Variants in MAN1A2 observed in about 807,000 individuals in gnomAD.
The protein encoded by MAN1A2 is mannosyl-oligosaccharide 1,2-alpha-mannosidase IB.
MAN1A2 carries 26 observed loss-of-function variants against 75.7 expected under a neutral mutation model. The observed-to-expected ratio is 0.34, with a 90% CI of 0.25 to 0.48. The LOEUF (loss-of-function observed/expected upper bound fraction) is 0.48, where lower values mean the gene tolerates loss of function less well. MAN1A2 is among the 20% of genes least tolerant of loss of function. The probability of loss-of-function intolerance (pLI) is 0.99; values close to 1 mark genes in which losing one functional copy is unlikely to be tolerated. For synonymous variants in MAN1A2, 247 were observed against 264.6 expected (o/e 0.93, Z 0.65); for missense variants, 562 against 775.5 (o/e 0.72, Z 3.27).
chr1:117,417,534 A>AGTATATATATATATATATATATAT (rs1648033932), intron 4 of MAN1A2, among the ~76,000 whole-genome samples: 1 of 89,216 alleles, frequency 1.1e-5, no homozygotes, highest in African/African-American at 4.5e-5. Flanking sequence ...CTTGAGTTTA[A>AGTATATATATATATATATATATAT]ATATATATAT....
intron 1 of MAN1A2, among the ~76,000 whole-genome samples, chr1:117,378,494 C>T (rs776667432): frequency 6.6e-6 from 1 of 151,962 alleles, no homozygotes; most frequent in African/African-American, 2.4e-5. Flanking sequence ...TGTGTATTTC[C>T]CTGTTGATAG....
intron 5 of MAN1A2, among the ~76,000 whole-genome samples, chr1:117,422,363 T>C (rs1047512750): frequency 6.6e-6 from 1 of 152,112 alleles, no homozygotes; most frequent in African/African-American, 2.4e-5. Context: ...ATGCATTTTA[T>C]ATATTTATCA....
intron 5 of MAN1A2, among the ~76,000 whole-genome samples, chr1:117,423,557 G>A (rs898864175): frequency 6.6e-6 from 1 of 151,846 alleles, no homozygotes; most frequent in Admixed American, 6.6e-5. Flanking sequence ...TACAGATCTT[G>A]TATGTATTTT....
At chr1:117,371,173 C>T (rs925803796) in intron 1 of MAN1A2, among the ~76,000 whole-genome samples, 1 of 151,992 alleles carries the variant, frequency 6.6e-6, no homozygotes, top group Non-Finnish European at 1.5e-5. Context: ...TATTTTTATT[C>T]GGAATCTACT....
intron 8 of MAN1A2, among the ~76,000 whole-genome samples, chr1:117,476,909 C>T (rs1650330888): frequency 6.6e-6 from 1 of 151,972 alleles, no homozygotes; most frequent in Admixed American, 6.6e-5. Flanking sequence ...TCAATGGTAG[C>T]TTGTTGGGGA....
At position 117,392,165 on chromosome 1, in the gene MAN1A2, T is replaced by TC. The variant is rs1450168973; in HGVS notation, c.303-10020dup. Among the ~76,000 whole-genome samples the TC allele has an allele frequency of 3.9e-5, 6 of 152,218 alleles. No individual in the cohort carries two copies. The East Asian group carries it at 9.7e-4, about 25-fold the overall frequency. Reference sequence around the variant, plus strand: ...AATCATGCCATTTTCAAGTTGAAGTTCTTTAGTGCCTTGCATTTTTCCCCA... The same window carrying TC: ...AATCATGCCATTTTCAAGTTGAAGTTCCTTTAGTGCCTTGCATTTTTCCCCA... On this transcript the variant is annotated intron_variant, in intron 1 of 12. Transcript: ENST00000356554.
At chr1:117,517,133 A>G (rs1651735818) in intron 12 of MAN1A2, among the ~76,000 whole-genome samples, 3 of 152,158 alleles carry the variant, frequency 2.0e-5, no homozygotes. Context: ...GGACCTATGT[A>G]GCAAATAATG....
chr1:117,423,560 T>C (rs1281174121), intron 5 of MAN1A2, among the ~76,000 whole-genome samples: 1 of 152,186 alleles, frequency 6.6e-6, no homozygotes, highest in Non-Finnish European at 1.5e-5. Context: ...AGATCTTGTA[T>C]GTATTTTGAT....
chr1:117,490,334 T>C (rs1650841226), intron 8 of MAN1A2, among the ~76,000 whole-genome samples: 1 of 152,072 alleles, frequency 6.6e-6, no homozygotes, highest in Admixed American at 6.6e-5. Context: ...ATATTTCAAA[T>C]TTTTTCCTTA....
At chr1:117,398,461 C>T (rs1199480351) in intron 1 of MAN1A2, among the ~76,000 whole-genome samples, 1 of 151,942 alleles carries the variant, frequency 6.6e-6, no homozygotes, top group African/African-American at 2.4e-5. Context: ...ATTGCCTGAG[C>T]TCAGGAGTTC....
Position 117,526,880 on chromosome 1 carries a change from C to CTCTCTCTCTCTCTATATATA in MAN1A2, c.*3924_*3925insCTCTCTCTCTCTATATATAT. 20 of 54,512 alleles carry CTCTCTCTCTCTCTATATATA rather than the reference C, an allele frequency of 3.7e-4. No homozygotes were observed. Among genetic ancestry groups the CTCTCTCTCTCTCTATATATA allele is most frequent in the African/African-American group, 6.5e-4 (8 of 12,286 alleles). 3.4% of individuals were successfully genotyped at this position (54,512 alleles called of 1,614,324 possible). On this transcript the variant is annotated 3_prime_UTR_variant, in exon 13 of 13. Coordinates refer to ENST00000356554, the MANE Select transcript of MAN1A2 (RefSeq NM_006699.5). Reference sequence around the variant, plus strand: ...TCTCTCTCTCTCTCTCTCTCTCTCTCTATATATATATATATATATATATAT... The same window carrying CTCTCTCTCTCTCTATATATA: ...TCTCTCTCTCTCTCTCTCTCTCTCTCTCTCTCTCTCTCTATATATATATATATATATATATATATATATAT...
intron 5 of MAN1A2, among the ~76,000 whole-genome samples, chr1:117,425,870 G>T (rs1648351927): frequency 6.6e-6 from 1 of 152,110 alleles, no homozygotes; most frequent in Non-Finnish European, 1.5e-5. Context: ...AAAAATAAAA[G>T]AAATGCCTTT....
intron 12 of MAN1A2, among the ~76,000 whole-genome samples, chr1:117,506,378 G>A (rs1651370465): frequency 6.6e-6 from 1 of 151,526 alleles, no homozygotes; most frequent in African/African-American, 2.4e-5. Flanking sequence ...TGTGTCATAG[G>A]TGCTATACCA....
At chr1:117,466,291 CACTT>C (rs1570766725) in intron 7 of MAN1A2, 39 bp from the exon 8 acceptor site, 1 of 1,280,892 alleles carries the variant, frequency 7.8e-7, no homozygotes. Flanking sequence ...GCCTTGATGA[CACTT>C]ATTTTTATTA....
At chr1:117,511,766 T>C (rs1651544363) in intron 12 of MAN1A2, among the ~76,000 whole-genome samples, 1 of 152,114 alleles carries the variant, frequency 6.6e-6, no homozygotes. Flanking sequence ...CCTTACTCCC[T>C]CTTACTTTTC....
chr1:117,434,842 T>C (rs1445681597), intron 5 of MAN1A2, among the ~76,000 whole-genome samples: 1 of 150,774 alleles, frequency 6.6e-6, no homozygotes, highest in Non-Finnish European at 1.5e-5. Context: ...CAAGAAATAA[T>C]GGCACCTTGG....
At chr1:117,418,284 C>T (rs1255012433) in intron 4 of MAN1A2, among the ~76,000 whole-genome samples, 1 of 152,140 alleles carries the variant, frequency 6.6e-6, no homozygotes, top group Non-Finnish European at 1.5e-5. Flanking sequence ...AGGAGCAAAA[C>T]AGTAAACAAG....
At chr1:117,458,509 A>ATC (rs1649690369) in intron 6 of MAN1A2, among the ~76,000 whole-genome samples, 9 of 101,494 alleles carry the variant, frequency 8.9e-5, no homozygotes, top group Admixed American at 3.9e-4. Flanking sequence ...ATATATATAT[A>ATC]TAGATATATA....
At chr1:117,398,609 GGTTGCA>G (rs1647295022) in intron 1 of MAN1A2, among the ~76,000 whole-genome samples, 2 of 151,964 alleles carry the variant, frequency 1.3e-5, no homozygotes, top group African/African-American at 2.4e-5. Context: ...GGGAGGCAGA[GGTTGCA>G]GTGAGCCGAG....
Sources: gnomAD v4.1 joint callset for allele counts (sites outside exome capture counted in the v4.1 genomes callset) on GRCh38, gnomAD v4.1.1 for gene constraint, MANE v1.5 for transcripts, NCBI Gene and HGNC (gene_info 2026-07-23, HGNC 2026-07-21) for gene names.